CHM: variants seen among roughly 807,000 people sequenced by gnomAD.
CHM encodes CHM Rab escort protein, also known as rab proteins geranylgeranyltransferase component A 1.
CHM carries 10 observed loss-of-function variants against 49.0 expected under a neutral mutation model. The observed-to-expected ratio is 0.20, with a 90% CI of 0.13 to 0.35. The LOEUF is 0.35. CHM is among the 10% of genes least tolerant of loss of function. The pLI is 1.00. For synonymous variants in CHM, 184 were observed against 167.5 expected, an observed-to-expected ratio of 1.10 and a Z score of -0.76; for missense variants, 455 against 478.4, an observed-to-expected ratio of 0.95 and a Z score of 0.46.
intron 8 of CHM, among the ~76,000 whole-genome samples, chrX:85,946,434 C>T (rs1670052662): frequency 9.0e-6 from 1 of 110,662 alleles, no homozygotes; most frequent in African/African-American, 3.3e-5. Context: ...CAACATGCTC[C>T]CCATATCCAG....
At chrX:85,899,144 G>C (rs1926089955) in intron 11 of CHM, among the ~76,000 whole-genome samples, 1 of 111,708 alleles carries the variant, frequency 9.0e-6, no homozygotes, top group Non-Finnish European at 1.9e-5. Flanking sequence ...AGTAAGGTGA[G>C]TTTATCAATC....
At chrX:85,866,549 C>T (rs1452198224) in intron 14 of CHM, among the ~76,000 whole-genome samples, 1 of 112,683 alleles carries the variant, frequency 8.9e-6, no homozygotes, top group African/African-American at 3.2e-5. Context: ...TTTAGTGGAG[C>T]TGTAAGAAGA....
At chrX:85,902,510 G>A (rs1028123681) in intron 9 of CHM, among the ~76,000 whole-genome samples, 1 of 111,165 alleles carries the variant, frequency 9.0e-6, no homozygotes, top group African/African-American at 3.3e-5. Flanking sequence ...TATAACATTT[G>A]TAATATTACG....
rs61712346 is a variant in CHM at position 85,999,833 on chromosome X, A to T, written c.117-18024T>A. On this transcript the variant is annotated intron_variant, in intron 2 of 14. Transcript: ENST00000357749. ...TAGCAGAAGTTAACTTTAGTTTAAAATATGTCTGCAGAAATTTATGGCAAC... is the reference window on the plus strand; with the variant it reads ...TAGCAGAAGTTAACTTTAGTTTAAATTATGTCTGCAGAAATTTATGGCAAC... Among the ~76,000 whole-genome samples the T allele has an allele frequency of 6.9e-3, 778 of 112,114 alleles. 5 individuals are homozygous for T. Among genetic ancestry groups the T allele is most frequent in the African/African-American group, 0.023 (705 of 30,895 alleles).
At chrX:86,025,654 G>A (rs1933773638) in intron 2 of CHM, among the ~76,000 whole-genome samples, 1 of 101,173 alleles carries the variant, frequency 9.9e-6, no homozygotes, top group African/African-American at 3.7e-5. Flanking sequence ...TATAGTCTAG[G>A]CAACAGAGTG....
intron 14 of CHM, among the ~76,000 whole-genome samples, chrX:85,872,304 A>T (rs770765977): frequency 8.9e-6 from 1 of 112,185 alleles, no homozygotes; most frequent in South Asian, 3.7e-4. Context: ...AAAGTTTAGA[A>T]ATGTGTCTCA....
chrX:85,994,987 T>C (rs1431262631), intron 2 of CHM, among the ~76,000 whole-genome samples: 6 of 110,789 alleles, frequency 5.4e-5, no homozygotes, highest in African/African-American at 2.0e-4. Flanking sequence ...AAGTAGTATG[T>C]AGAGAGAAGC....
At chrX:85,909,023 C>T (rs1396921013) in intron 9 of CHM, among the ~76,000 whole-genome samples, 1 of 111,589 alleles carries the variant, frequency 9.0e-6, no homozygotes, top group Admixed American at 9.5e-5. Flanking sequence ...GAAAGATATC[C>T]AGAGATTACT....
At chrX:86,031,683 A>G (rs1233846072) in intron 1 of CHM, among the ~76,000 whole-genome samples, 2 of 104,204 alleles carry the variant, frequency 1.9e-5, no homozygotes, top group African/African-American at 7.0e-5. Context: ...TCTACTAAAA[A>G]TGCAAAATTA....
chrX:85,873,327 C>A, intron 13 of CHM, 115 bp from the exon 14 acceptor site: 1 of 515,732 alleles, frequency 1.9e-6, no homozygotes, highest in Admixed American at 3.7e-5. Flanking sequence ...GAAATCAGAG[C>A]TTCGTATGTA....
intron 1 of CHM, among the ~76,000 whole-genome samples, chrX:86,041,726 G>GTATATATATATA (rs3078104): frequency 3.6e-5 from 3 of 83,722 alleles, no homozygotes; most frequent in African/African-American, 8.6e-5. Flanking sequence ...TGGTGTGTGT[G>GTATATATATATA]TATATATATA....
chrX:86,034,005 T>G (rs1934138598), intron 1 of CHM, among the ~76,000 whole-genome samples: 1 of 111,691 alleles, frequency 9.0e-6, no homozygotes, highest in African/African-American at 3.3e-5. Context: ...GGTGTGAGCC[T>G]TTAGGGATGG....
chrX:86,027,250 T>C (rs1436401279), intron 2 of CHM: 5 of 344,979 alleles, frequency 1.4e-5, no homozygotes, highest in Non-Finnish European at 2.5e-5. Flanking sequence ...ATGAGAAAAA[T>C]AAAATGATGC....
At chrX:85,948,484 CA>C (rs1050641021) in intron 8 of CHM, among the ~76,000 whole-genome samples, 1 of 109,031 alleles carries the variant, frequency 9.2e-6, no homozygotes, top group African/African-American at 3.3e-5. Context: ...TTTTCTTTAC[CA>C]AAAAAAAATC....
chrX:85,873,153 A>T lies in CHM; in HGVS notation c.1669T>A (p.Ser557Thr). Reference sequence around the variant, plus strand: ...TAACAGCTCCTGCTGATGTCTGACGAATCTCTCATATTGAAGTAAAGAGCC... The same window carrying T: ...TAACAGCTCCTGCTGATGTCTGACGTATCTCTCATATTGAAGTAAAGAGCC... ...LWALYFNMRD[S>T]SDISRSCYND... Residue 557 changes from serine (S) to threonine (T), a missense_variant, in exon 14 of 15, where the codon TCG (serine) becomes ACG (threonine). Physicochemically the swap from Ser to Thr is moderately conservative, Grantham distance 58. Transcript: ENST00000357749. 1 of 1,205,847 alleles carries T rather than the reference A, an allele frequency of 8.3e-7. No individual in the cohort carries two copies. The highest frequency in any genetic ancestry group is 1.1e-6 in the Non-Finnish European group (1 of 890,976).
intron 8 of CHM, among the ~76,000 whole-genome samples, chrX:85,919,392 C>T (rs922809095): frequency 4.5e-5 from 5 of 111,316 alleles, no homozygotes; most frequent in African/African-American, 1.6e-4. Flanking sequence ...ATGAAATATA[C>T]TATTACTTTA....
intron 1 of CHM, among the ~76,000 whole-genome samples, chrX:86,040,582 A>G (rs1934421323): frequency 1.8e-5 from 2 of 112,321 alleles, no homozygotes; most frequent in Non-Finnish European, 3.8e-5. Flanking sequence ...GTCAAGGAAT[A>G]CATTACCAAC....
chrX:86,017,801 G>A (rs1267029311), intron 2 of CHM, among the ~76,000 whole-genome samples: 2 of 111,472 alleles, frequency 1.8e-5, no homozygotes, highest in African/African-American at 3.3e-5. Flanking sequence ...AATTACACAA[G>A]GATATCACAA....
At chrX:85,875,056 G>A (rs1484284762) in intron 13 of CHM, among the ~76,000 whole-genome samples, 1 of 111,462 alleles carries the variant, frequency 9.0e-6, no homozygotes, top group Non-Finnish European at 1.9e-5. Flanking sequence ...AACGCTGGAG[G>A]AAATGAATAA....
Sources: allele counts gnomAD v4.1 joint callset (sites outside exome capture counted in the v4.1 genomes callset), GRCh38; gene constraint gnomAD v4.1.1; transcripts MANE v1.5; gene names NCBI Gene and HGNC (gene_info 2026-07-23, HGNC 2026-07-21).